CHD3: variants seen among roughly 807,000 people sequenced by gnomAD.
CHD3 encodes the protein chromodomain helicase DNA binding protein 3.
In CHD3, 52 loss-of-function variants were observed where a neutral mutation model predicts 248.9. The observed-to-expected ratio is 0.21, with a 90% CI of 0.17 to 0.26. CHD3 has a LOEUF of 0.26. CHD3 is among the 10% of genes least tolerant of loss of function. The probability of loss-of-function intolerance (pLI) is 1.00; values close to 1 mark genes in which losing one functional copy is unlikely to be tolerated. For synonymous variants in CHD3, 985 were observed against 985.2 expected, an observed-to-expected ratio of 1.00 and a Z score of 0.00; for missense variants, 1,482 against 2,605.8, an observed-to-expected ratio of 0.57 and a Z score of 9.39.
Position 7,906,403 on chromosome 17 carries a change from A to G in CHD3, c.4359-150A>G. The stretch of plus-strand genomic sequence containing the variant: ...GACAGTTAGGACTTGGAGGGCTGGT[A>G]ATGGTGAGAGTGAGAGGCCCAGGGG... On this transcript the variant is annotated intron_variant, in intron 28 of 39. Transcript: ENST00000330494. The surrounding 1 kb of genome is among the most constrained non-coding windows in gnomAD (Gnocchi z 5.0). 2 of 773,236 alleles carry G rather than the reference A, an allele frequency of 2.6e-6. No individual in the cohort carries two copies. Among genetic ancestry groups the G allele is most frequent in the Non-Finnish European group, 4.3e-6 (2 of 465,330 alleles). The allele number at this position is 773,236 out of a possible 1,614,324, so 47.9% of individuals were successfully genotyped here.
Position 7,900,610 on chromosome 17 carries a change from A to G in CHD3, c.2857A>G (p.Ile953Val). 1 of 1,614,132 alleles carries G rather than the reference A, an allele frequency of 6.2e-7. No homozygotes were observed. Among genetic ancestry groups the G allele is most frequent in the Non-Finnish European group, 8.5e-7 (1 of 1,180,006 alleles). ...TGCTGACATATCCAAAGAGGACCAG[A>G]TCAAGAAACTGCATGATTTGCTGGG... ...EFADISKEDQ[I>V]KKLHDLLGPH... The change falls in exon 18 of 40, where the codon ATC becomes GTC. Residue 953 changes from isoleucine (I) to valine (V), a missense_variant. Ile to Val is a conservative substitution (Grantham distance 29, BLOSUM62 3). This residue lies in a region of CHD3 where 36 missense variants were observed against 189.3 expected (regional missense o/e 0.19). Coordinates refer to ENST00000330494, the MANE Select transcript of CHD3 (RefSeq NM_001005273.3). This position sits in a 1 kb window ranked among gnomAD's most constrained non-coding sequence, Gnocchi z 6.5.
In CHD3 at chr17:7,906,281, CAGG is replaced by C; in HGVS notation, c.4359-266_4359-264del. ...CATTTACTTGACCACAATAACCTGG[CAGG>C]AGGAGCTGGTGGAAAGGATGAAGAG... is the stretch of plus-strand genomic sequence containing the variant. On this transcript the variant is annotated intron_variant, in intron 28 of 39. Coordinates refer to ENST00000330494, the MANE Select transcript of CHD3 (RefSeq NM_001005273.3). The surrounding 1 kb of genome is among the most constrained non-coding windows in gnomAD (Gnocchi z 5.0). The C allele has an allele frequency of 1.5e-6, 1 of 686,398 alleles. No homozygotes were observed. The highest frequency in any genetic ancestry group is 2.6e-6 in the Non-Finnish European group (1 of 380,724). The allele number at this position is 686,398 out of a possible 1,614,324, so 42.5% of individuals were successfully genotyped here.
rs377745636 is a variant in CHD3, at chr17:7,905,059, G to A, written c.4073-41G>A. On this transcript the variant is annotated intron_variant, in intron 25 of 39. Coordinates refer to ENST00000330494, the MANE Select transcript of CHD3 (RefSeq NM_001005273.3). This position sits in a 1 kb window ranked among gnomAD's most constrained non-coding sequence, Gnocchi z 5.8. ...AAGGGCCTCAGCATGGGCATATCCC[G>A]AGAGCCCTCCCTGACCACTGGGCCC... 1.4e-5 allele frequency: 22 copies of A among 1,587,636 alleles called. No individual in the cohort carries two copies. Among genetic ancestry groups the A allele is most frequent in the Non-Finnish European group, 1.8e-5 (21 of 1,156,016 alleles).
chr17:7,909,011 A>G lies in CHD3; in HGVS notation c.5395-132A>G. ...GGGTCAGGGTTGCTGCTAGGTTCGC[A>G]GTCGGTTTGGAGCTGGGAGTGCCCT... On this transcript the variant is annotated intron_variant, in intron 36 of 39. Transcript: ENST00000330494. This position sits in a 1 kb window ranked among gnomAD's most constrained non-coding sequence, Gnocchi z 8.1. The G allele has an allele frequency of 7.1e-7, 1 of 1,411,232 alleles. No homozygotes were observed. Among genetic ancestry groups the G allele is most frequent in the Non-Finnish European group, 9.6e-7 (1 of 1,037,148 alleles). 87.4% of individuals were successfully genotyped at this position (1,411,232 alleles called of 1,614,324 possible).
rs778587762 is a variant in CHD3, at chr17:7,899,299, G to A, written c.2344-44G>A. Reference sequence around the variant, plus strand: ...TAGCTGGCAGAGGACTAGGGTATACGGCCTCTAGCCTAGACTTATGCTGCC... The same window carrying A: ...TAGCTGGCAGAGGACTAGGGTATACAGCCTCTAGCCTAGACTTATGCTGCC... On this transcript the variant is annotated intron_variant, in intron 14 of 39. Transcript: ENST00000330494. This position sits in a 1 kb window ranked among gnomAD's most constrained non-coding sequence, Gnocchi z 6.8. The A allele has an allele frequency of 5.0e-6, 8 of 1,607,800 alleles. No homozygotes were observed. Among genetic ancestry groups the A allele is most frequent in the African/African-American group, 4.0e-5 (3 of 74,778 alleles).
Position 7,904,257 on chromosome 17 carries a change from G to GA in CHD3, c.3895-184dup. 6.3e-6 allele frequency: 4 copies of GA among 632,624 alleles called. No homozygotes were observed. The highest frequency in any genetic ancestry group is 8.3e-6 in the Non-Finnish European group (3 of 361,404). The allele number at this position is 632,624 out of a possible 1,614,324, so 39.2% of individuals were successfully genotyped here. ...AGGAGAGATTTAGAAAACATGAGGA[G>GA]AGCACATTGCAGGTAAGAGATGGCA... On this transcript the variant is annotated intron_variant, in intron 24 of 39. Transcript: ENST00000330494. The surrounding 1 kb of genome is among the most constrained non-coding windows in gnomAD (Gnocchi z 4.4).
intron 6 of CHD3, 57 bp from the exon 7 acceptor site, chr17:7,894,058 C>T: frequency 3.1e-6 from 5 of 1,596,824 alleles, no homozygotes; most frequent in Non-Finnish European, 4.3e-6. Context: ...AAGCCAAAGG[C>T]CTGGGGAGGG....
In CHD3 at chr17:7,899,243, G is replaced by T; in HGVS notation, c.2343+41G>T. The stretch of plus-strand genomic sequence containing the variant: ...ACCTTGAAGGGGACCGCCTGGACTG[G>T]GGAAGTGGGGAGGGGGAAGATAAAG... On this transcript the variant is annotated intron_variant, in intron 14 of 39. Coordinates refer to ENST00000330494, the MANE Select transcript of CHD3 (RefSeq NM_001005273.3). This position sits in a 1 kb window ranked among gnomAD's most constrained non-coding sequence, Gnocchi z 6.8. 1 of 1,604,178 alleles carries T rather than the reference G, an allele frequency of 6.2e-7. No homozygotes were observed. The highest frequency in any genetic ancestry group is 1.1e-5 in the South Asian group (1 of 90,888).
At chr17:7,896,745 G>A (rs1969723200) in intron 10 of CHD3, among the ~76,000 whole-genome samples, 1 of 151,916 alleles carries the variant, frequency 6.6e-6, no homozygotes, top group South Asian at 2.1e-4. Flanking sequence ...TGCAACCTCC[G>A]CCTCATGCAT....
At chr17:7,887,670 G>C (rs1420592488), upstream of CHD3, among the ~76,000 whole-genome samples, 2 of 152,086 alleles carry the variant, frequency 1.3e-5, no homozygotes, top group South Asian at 2.1e-4. Context: ...AAGAAGAGAG[G>C]GGCGGGCGGG....
At position 7,895,045 on chromosome 17, in the gene CHD3, G is replaced by A. The variant is rs767070575; in HGVS notation, c.1398G>A (p.Gly466=). ...MEYCRVCKDG[G]ELLCCDACIS... Reference sequence around the variant, plus strand: ...ACTGCCGCGTATGCAAGGACGGCGGGGAGCTCCTGTGCTGTGACGCGTGCA... The same window carrying A: ...ACTGCCGCGTATGCAAGGACGGCGGAGAGCTCCTGTGCTGTGACGCGTGCA... Residue 466 remains glycine, a synonymous_variant, in exon 9 of 40, where the codon GGG becomes GGA. Coordinates refer to ENST00000330494, the MANE Select transcript of CHD3 (RefSeq NM_001005273.3). The surrounding 1 kb of genome is among the most constrained non-coding windows in gnomAD (Gnocchi z 4.9). 15 of 1,614,006 alleles carry A rather than the reference G, an allele frequency of 9.3e-6. No homozygotes were observed. The East Asian group carries it at 2.9e-4, about 31-fold the overall frequency.
intron 3 of CHD3, 37 bp from the exon 4 acceptor site, chr17:7,890,903 G>C: frequency 1.2e-6 from 2 of 1,613,058 alleles, no homozygotes; most frequent in Non-Finnish European, 1.7e-6. Context: ...ATAGGGGCTG[G>C]AGGAGCACCT....
In CHD3 at chr17:7,908,153, C is replaced by A; in HGVS notation, c.5152+134C>A. The A allele has an allele frequency of 8.9e-7, 1 of 1,126,946 alleles. No homozygotes were observed. The highest frequency in any genetic ancestry group is 1.3e-6 in the Non-Finnish European group (1 of 789,768). The allele number at this position is 1,126,946 out of a possible 1,614,324, so 69.8% of individuals were successfully genotyped here. On this transcript the variant is annotated intron_variant, in intron 34 of 39. Coordinates refer to ENST00000330494, the MANE Select transcript of CHD3 (RefSeq NM_001005273.3). This position sits in a 1 kb window ranked among gnomAD's most constrained non-coding sequence, Gnocchi z 5.8. The stretch of plus-strand genomic sequence containing the variant: ...CAATGAAGTATGTTGCATGCTGACT[C>A]CGATCCTTGCTCTAAATCTTTCTTA...
chr17:7,907,844 T>C lies in CHD3; in HGVS notation c.5027-50T>C. ...CAGTACAGATAGTAGTCTTGGGACC[T>C]GGGAGGAGGGTGTCCTGAGGTGTGA... On this transcript the variant is annotated intron_variant, in intron 33 of 39. Coordinates refer to ENST00000330494, the MANE Select transcript of CHD3 (RefSeq NM_001005273.3). This position sits in a 1 kb window ranked among gnomAD's most constrained non-coding sequence, Gnocchi z 4.3. The C allele has an allele frequency of 6.3e-7, 1 of 1,583,762 alleles. No homozygotes were observed. The highest frequency in any genetic ancestry group is 8.6e-7 in the Non-Finnish European group (1 of 1,161,508).
intron 20 of CHD3, 128 bp downstream of exon 20, chr17:7,901,503 A>ATTTTT: frequency 3.6e-6 from 1 of 279,544 alleles, no homozygotes; most frequent in Non-Finnish European, 5.9e-6. Context: ...CTCCTGTAAG[A>ATTTTT]GTTTTTTTTT....
chr17:7,904,147 G>A lies in CHD3; in HGVS notation c.3894+156G>A. The A allele has an allele frequency of 2.7e-6, 2 of 738,482 alleles. No individual in the cohort carries two copies. Among genetic ancestry groups the A allele is most frequent in the Non-Finnish European group, 4.4e-6 (2 of 455,300 alleles). 45.7% of individuals were successfully genotyped at this position (738,482 alleles called of 1,614,324 possible). ...CTAATAGGTGAGACTGGACTTCAGAGAGAAACGTAGGCACAGACAGTACTG... is the reference window on the plus strand; with the variant it reads ...CTAATAGGTGAGACTGGACTTCAGAAAGAAACGTAGGCACAGACAGTACTG... On this transcript the variant is annotated intron_variant, in intron 24 of 39. Coordinates refer to ENST00000330494, the MANE Select transcript of CHD3 (RefSeq NM_001005273.3). This position sits in a 1 kb window ranked among gnomAD's most constrained non-coding sequence, Gnocchi z 4.4.
Position 7,905,294 on chromosome 17 carries a change from C to A in CHD3, c.4138+129C>A. 1.2e-6 allele frequency: 1 copy of A among 824,540 alleles called. No individual in the cohort carries two copies. The highest frequency in any genetic ancestry group is 1.5e-5 in the South Asian group (1 of 65,590). 51.1% of individuals were successfully genotyped at this position (824,540 alleles called of 1,614,324 possible). A position where few individuals can be genotyped will look rare whatever the true frequency, so the allele number is the denominator to read the frequency against. Reference sequence around the variant, plus strand: ...GTGGAAAAACTCGATTGCAGATGAGCAGAAAGGAAGAAATATTCATAGTCT... The same window carrying A: ...GTGGAAAAACTCGATTGCAGATGAGAAGAAAGGAAGAAATATTCATAGTCT... On this transcript the variant is annotated intron_variant, in intron 26 of 39. Coordinates refer to ENST00000330494, the MANE Select transcript of CHD3 (RefSeq NM_001005273.3). This position sits in a 1 kb window ranked among gnomAD's most constrained non-coding sequence, Gnocchi z 5.8.
At chr17:7,885,406 C>T (rs1967732282), upstream of CHD3, among the ~76,000 whole-genome samples, 1 of 148,592 alleles carries the variant, frequency 6.7e-6, no homozygotes, top group African/African-American at 2.5e-5. Context: ...TCGGTCGCGG[C>T]TTTCGGGGGA....
Position 7,910,405 on chromosome 17 carries a change from T to G in CHD3, c.5591-23T>G. On this transcript the variant is annotated intron_variant, in intron 37 of 39. Coordinates refer to ENST00000330494, the MANE Select transcript of CHD3 (RefSeq NM_001005273.3). This position sits in a 1 kb window ranked among gnomAD's most constrained non-coding sequence, Gnocchi z 4.7. ...TTTCCCTGTCTTTCTCTTGCCCTTCTTTCTCTGTGGCCCGGGCCCCAGTTC... is the reference window on the plus strand; with the variant it reads ...TTTCCCTGTCTTTCTCTTGCCCTTCGTTCTCTGTGGCCCGGGCCCCAGTTC... The G allele has an allele frequency of 6.2e-7, 1 of 1,614,134 alleles. No individual in the cohort carries two copies. The highest frequency in any genetic ancestry group is 1.1e-5 in the South Asian group (1 of 91,078).
Sources: gnomAD v4.1 joint callset for allele counts (sites outside exome capture counted in the v4.1 genomes callset) on GRCh38, gnomAD v4.1.1 for gene constraint, gnomAD v4.1.1 regional missense constraint, Gnocchi (gnomAD v3.1) non-coding constraint, MANE v1.5 for transcripts, NCBI Gene and HGNC (gene_info 2026-07-23, HGNC 2026-07-21) for gene names.